NEK11: variants seen among roughly 807,000 people sequenced by gnomAD.
NEK11 encodes the protein serine/threonine-protein kinase Nek11.
Under a neutral mutation model 80.7 loss-of-function variants are expected in NEK11, and 72 were observed. That is an observed-to-expected ratio of 0.89 (90% CI 0.74 to 1.08). NEK11 has a LOEUF of 1.08. NEK11 is among the 50% of genes least tolerant of loss of function. The pLI, the probability that NEK11 is intolerant of heterozygous loss-of-function variation, is 0.00. For missense variants in NEK11, 764 were observed against 763.6 expected (o/e 1.00, Z -0.01); for synonymous variants, 251 against 260.7 (o/e 0.96, Z 0.36).
At position 131,209,230 on chromosome 3, in the gene NEK11, T is replaced by C. The variant is rs115411480; in HGVS notation, c.1400-19298T>C. On this transcript the variant is annotated intron_variant, in intron 14 of 17. Coordinates refer to ENST00000383366, the MANE Select transcript of NEK11 (RefSeq NM_024800.5). ...TGCATCCGTTGATGCAGAAAAGAGATAATCATGTGGTTTTTGTCTTTGGTT... is the reference window on the plus strand; with the variant it reads ...TGCATCCGTTGATGCAGAAAAGAGACAATCATGTGGTTTTTGTCTTTGGTT... 5.3e-3 allele frequency among the ~76,000 whole-genome samples: 800 copies of C among 152,328 alleles called. 6 individuals carry two copies. The highest frequency in any genetic ancestry group is 0.017 in the African/African-American group (707 of 41,576).
intron 14 of NEK11, among the ~76,000 whole-genome samples, chr3:131,171,983 G>T (rs950747210): frequency 5.3e-5 from 8 of 152,162 alleles, no homozygotes; most frequent in Non-Finnish European, 1.2e-4. Context: ...AAATAGGAAA[G>T]AGCTAGAAAA....
intron 3 of NEK11, among the ~76,000 whole-genome samples, chr3:131,071,721 T>G (rs1278983001): frequency 6.6e-6 from 1 of 152,156 alleles, no homozygotes; most frequent in African/African-American, 2.4e-5. Flanking sequence ...CCCCCAGTTT[T>G]TTTTCTCACA....
At chr3:131,165,801 G>A (rs1175831265) in intron 12 of NEK11, among the ~76,000 whole-genome samples, 1 of 152,206 alleles carries the variant, frequency 6.6e-6, no homozygotes, top group Non-Finnish European at 1.5e-5. Context: ...GGGTTAAAAT[G>A]ATTAGCTGAC....
chr3:131,321,080 C>G (rs771013422), intron 17 of NEK11, among the ~76,000 whole-genome samples: 1 of 152,192 alleles, frequency 6.6e-6, no homozygotes, highest in African/African-American at 2.4e-5. Context: ...CTGGAGGCAT[C>G]ACATTACCCG....
At chr3:131,203,767 G>GTATATATA (rs150951735) in intron 14 of NEK11, among the ~76,000 whole-genome samples, 7 of 54,188 alleles carry the variant, frequency 1.3e-4, no homozygotes, top group Admixed American at 2.2e-4. Flanking sequence ...GTGTGTGTGT[G>GTATATATA]TATATATATA....
chr3:131,302,853 G>A (rs1307340930), intron 17 of NEK11, among the ~76,000 whole-genome samples: 1 of 152,172 alleles, frequency 6.6e-6, no homozygotes, highest in Non-Finnish European at 1.5e-5. Flanking sequence ...TTCTGTAGAT[G>A]TCTGTCGGGT....
At chr3:131,239,124 A>G (rs1470272977) in intron 15 of NEK11, among the ~76,000 whole-genome samples, 3 of 151,950 alleles carry the variant, frequency 2.0e-5, no homozygotes, top group African/African-American at 7.3e-5. Flanking sequence ...GAAAAAAAAA[A>G]CATGGGTCCA....
At chr3:131,333,976 G>T (rs956085469) in intron 17 of NEK11, among the ~76,000 whole-genome samples, 11 of 152,216 alleles carry the variant, frequency 7.2e-5, no homozygotes, top group Admixed American at 3.9e-4. Flanking sequence ...AGCAAGTCCT[G>T]AGTGACCTAC....
intron 14 of NEK11, among the ~76,000 whole-genome samples, chr3:131,181,761 A>AG (rs2093367460): frequency 1.3e-5 from 2 of 150,942 alleles, no homozygotes; most frequent in African/African-American, 4.9e-5. Flanking sequence ...AAAAAAAAAA[A>AG]AAAAAGAAAA....
chr3:131,321,463 T>A lies in NEK11; in HGVS notation c.1719-28094T>A, dbSNP rs578235774. ...CTTGGGAAATAATATATGAATAAGTTCTCAAAAGCAATTCCAACACAAGCA... is the reference window on the plus strand; with the variant it reads ...CTTGGGAAATAATATATGAATAAGTACTCAAAAGCAATTCCAACACAAGCA... On this transcript the variant is annotated intron_variant, in intron 17 of 17. Coordinates refer to ENST00000383366, the MANE Select transcript of NEK11 (RefSeq NM_024800.5). 5.3e-5 allele frequency among the ~76,000 whole-genome samples: 8 copies of A among 152,082 alleles called. No individual in the cohort carries two copies. The South Asian group carries it at 1.7e-3, about 32-fold the overall frequency.
chr3:131,115,984 TTC>T (rs1560478011), intron 5 of NEK11, among the ~76,000 whole-genome samples: 1 of 132,278 alleles, frequency 7.6e-6, no homozygotes, highest in Non-Finnish European at 1.7e-5. Context: ...CTTTCTTTCT[TTC>T]TTTATTATAC....
intron 16 of NEK11, among the ~76,000 whole-genome samples, chr3:131,251,885 G>A (rs2095710897): frequency 6.6e-6 from 1 of 152,108 alleles, no homozygotes; most frequent in Non-Finnish European, 1.5e-5. Context: ...GGGAGCACAT[G>A]CTTTTGAAAT....
intron 14 of NEK11, among the ~76,000 whole-genome samples, chr3:131,203,452 A>G (rs1311986827): frequency 1.5e-5 from 2 of 137,030 alleles, no homozygotes; most frequent in African/African-American, 2.7e-5. Flanking sequence ...GGGGGGAGGG[A>G]TAGCATTAGG....
At chr3:131,314,280 A>G (rs2096813142) in intron 17 of NEK11, among the ~76,000 whole-genome samples, 2 of 152,290 alleles carry the variant, frequency 1.3e-5, no homozygotes, top group Admixed American at 6.5e-5. Flanking sequence ...AACCATCAAG[A>G]ATACTGTGTT....
chr3:131,047,868 A>G (rs2067657182), intron 3 of NEK11, among the ~76,000 whole-genome samples: 1 of 152,216 alleles, frequency 6.6e-6, no homozygotes, highest in Non-Finnish European at 1.5e-5. Context: ...GTCTTCAGCT[A>G]CCAGAGCAGG....
intron 17 of NEK11, among the ~76,000 whole-genome samples, chr3:131,342,807 T>G (rs905527896): frequency 6.6e-6 from 1 of 152,116 alleles, no homozygotes; most frequent in African/African-American, 2.4e-5. Context: ...ACCGAAGACA[T>G]AGAAAATTTA....
intron 17 of NEK11, among the ~76,000 whole-genome samples, chr3:131,305,991 C>A (rs770560154): frequency 4.6e-5 from 7 of 152,040 alleles, no homozygotes; most frequent in Non-Finnish European, 1.0e-4. Flanking sequence ...TTGGCTTGGG[C>A]CCTTGTTTTT....
At chr3:131,225,192 A>G (rs2095155049) in intron 14 of NEK11, among the ~76,000 whole-genome samples, 1 of 152,232 alleles carries the variant, frequency 6.6e-6, no homozygotes, top group Admixed American at 6.5e-5. Context: ...TTTTTACTGT[A>G]CATTTTTAAT....
intron 3 of NEK11, 149 bp downstream of exon 3, chr3:131,030,027 G>A: frequency 1.5e-6 from 1 of 689,110 alleles, no homozygotes; most frequent in Non-Finnish European, 2.5e-6. Flanking sequence ...ATCACTTGAG[G>A]CGAGGAGTTC....
Sources: allele counts gnomAD v4.1 joint callset (sites outside exome capture counted in the v4.1 genomes callset), GRCh38; gene constraint gnomAD v4.1.1; transcripts MANE v1.5; gene names NCBI Gene and HGNC (gene_info 2026-07-23, HGNC 2026-07-21).